Variants in GPD2 observed in about 807,000 individuals in gnomAD.
The protein encoded by GPD2 is glycerol-3-phosphate dehydrogenase, mitochondrial.
In GPD2, 54 loss-of-function variants were observed where a neutral mutation model predicts 82.4. The observed-to-expected ratio is 0.66, with a 90% CI of 0.53 to 0.82. GPD2 has a LOEUF of 0.82. Ranked by LOEUF, GPD2 falls within the 40% of genes least tolerant of loss-of-function variation. The pLI is 0.00. For synonymous variants in GPD2, 288 were observed against 306.1 expected (o/e 0.94, Z 0.62); for missense variants, 748 against 896.2 (o/e 0.83, Z 2.11).
chr2:156,470,182 ATCTTTTTCTTTT>A (rs894705229), intron 1 of GPD2, among the ~76,000 whole-genome samples: 12 of 151,852 alleles, frequency 7.9e-5, no homozygotes, highest in Non-Finnish European at 1.5e-4. Context: ...TTTGCATGGA[ATCTTTTTCTTTT>A]TCTTTTTCTT....
rs536541387 is a variant in GPD2 at position 156,519,444 on chromosome 2, A to G, written c.661+5948A>G. ...GAGGAGGTATTGGCATGATACATTA[A>G]AATTGTGTATTTAAAGAAAATTTTC... is the stretch of plus-strand genomic sequence containing the variant. On this transcript the variant is annotated intron_variant, in intron 6 of 16. Coordinates refer to ENST00000438166, the MANE Select transcript of GPD2 (RefSeq NM_000408.5). 4.6e-5 allele frequency among the ~76,000 whole-genome samples: 7 copies of G among 152,322 alleles called. No homozygotes were observed. The South Asian group carries it at 1.2e-3, about 27-fold the overall frequency.
At chr2:156,564,931 T>A (rs1191128544) in intron 9 of GPD2, among the ~76,000 whole-genome samples, 1 of 152,092 alleles carries the variant, frequency 6.6e-6, no homozygotes, top group Non-Finnish European at 1.5e-5. Context: ...CTTTTTTATT[T>A]TTGACTATCA....
At chr2:156,459,605 T>G (rs1682912641) in intron 1 of GPD2, among the ~76,000 whole-genome samples, 2 of 137,624 alleles carry the variant, frequency 1.5e-5, no homozygotes, top group South Asian at 4.5e-4. Context: ...GGAGAATCGC[T>G]TGAACCAGGG....
intron 6 of GPD2, among the ~76,000 whole-genome samples, chr2:156,534,769 A>G (rs1392262323): frequency 6.6e-6 from 1 of 152,068 alleles, no homozygotes; most frequent in African/African-American, 2.4e-5. Context: ...CTAATGTGAT[A>G]GGTAATGGAG....
At chr2:156,420,970 C>A in the GPD2 span, among the ~76,000 whole-genome samples, 1 of 152,212 alleles carries the variant, frequency 6.6e-6, no homozygotes, top group Non-Finnish European at 1.5e-5. Context: ...CTTGTTGAAT[C>A]TACTCACAGA....
intron 6 of GPD2, among the ~76,000 whole-genome samples, chr2:156,545,138 TCACACACACACAC>T (rs1686482269): frequency 6.6e-6 from 1 of 151,646 alleles, no homozygotes. Flanking sequence ...ACACACTCAT[TCACACACACACAC>T]CACACACACA....
intron 6 of GPD2, among the ~76,000 whole-genome samples, chr2:156,535,466 A>C (rs925568222): frequency 3.5e-5 from 5 of 143,512 alleles, no homozygotes; most frequent in Non-Finnish European, 7.7e-5. Context: ...GAGAGAAAGA[A>C]AGACCTGGGA....
the GPD2 span, among the ~76,000 whole-genome samples, chr2:156,425,084 A>ATTTTTTTTT: frequency 2.6e-5 from 1 of 37,988 alleles, no homozygotes; most frequent in Non-Finnish European, 9.6e-5. Flanking sequence ...ATTTATATTC[A>ATTTTTTTTT]TTTTATTTTT....
At chr2:156,574,948 C>A (rs1210318332) in intron 13 of GPD2, among the ~76,000 whole-genome samples, 1 of 152,146 alleles carries the variant, frequency 6.6e-6, no homozygotes, top group Non-Finnish European at 1.5e-5. Flanking sequence ...CTACCAATGT[C>A]TTTTTCCTTC....
intron 6 of GPD2, among the ~76,000 whole-genome samples, chr2:156,549,043 G>A (rs1030835999): frequency 2.0e-5 from 3 of 151,412 alleles, no homozygotes; most frequent in African/African-American, 4.9e-5. Flanking sequence ...TACCTTTTAT[G>A]TGTGATTAAA....
At chr2:156,412,592 A>C in the GPD2 span, among the ~76,000 whole-genome samples, 1 of 152,202 alleles carries the variant, frequency 6.6e-6, no homozygotes, top group East Asian at 1.9e-4. Flanking sequence ...TGTATCTTAT[A>C]GGGTTGCTGT....
chr2:156,548,848 G>A (rs927529833), intron 6 of GPD2, among the ~76,000 whole-genome samples: 3 of 152,082 alleles, frequency 2.0e-5, no homozygotes, highest in Non-Finnish European at 2.9e-5. Context: ...CCTGGTCAGC[G>A]TTAACTCCAC....
intron 1 of GPD2, among the ~76,000 whole-genome samples, chr2:156,461,728 T>G (rs1391727450): frequency 6.6e-6 from 1 of 152,234 alleles, no homozygotes; most frequent in Non-Finnish European, 1.5e-5. Context: ...TTTCTCCTAG[T>G]AATTCTCACT....
At position 156,585,660 on chromosome 2, in the gene GPD2, C is replaced by T. The variant is rs1229202626; in HGVS notation, c.*2742C>T. On this transcript the variant is annotated 3_prime_UTR_variant, in exon 17 of 17. Coordinates refer to ENST00000438166, the MANE Select transcript of GPD2 (RefSeq NM_000408.5). Reference sequence around the variant, plus strand: ...TGTCTGTTTCAAAATATGTAGCTTCCTCTTTTGTACAACAAAAAACTCATT... The same window carrying T: ...TGTCTGTTTCAAAATATGTAGCTTCTTCTTTTGTACAACAAAAAACTCATT... 4 of 152,372 alleles carry T rather than the reference C, an allele frequency of 2.6e-5. No homozygotes were observed. The East Asian group carries it at 5.8e-4, about 22-fold the overall frequency. 9.4% of individuals were successfully genotyped at this position (152,372 alleles called of 1,614,324 possible). A position where few individuals can be genotyped will look rare whatever the true frequency, so the allele number is the denominator to read the frequency against.
At chr2:156,471,117 C>T (rs954771067) in intron 1 of GPD2, among the ~76,000 whole-genome samples, 1 of 152,120 alleles carries the variant, frequency 6.6e-6, no homozygotes, top group Non-Finnish European at 1.5e-5. Context: ...TCCAGCTGCC[C>T]AAACTAAAAC....
intron 6 of GPD2, among the ~76,000 whole-genome samples, chr2:156,523,371 C>T (rs1685485152): frequency 6.6e-6 from 1 of 151,928 alleles, no homozygotes; most frequent in Admixed American, 6.6e-5. Flanking sequence ...TTTTTAAGTT[C>T]GTTATACACT....
At chr2:156,562,038 A>T (rs1243704985) in intron 9 of GPD2, among the ~76,000 whole-genome samples, 1 of 152,240 alleles carries the variant, frequency 6.6e-6, no homozygotes, top group African/African-American at 2.4e-5. Flanking sequence ...AGGAAGAAAA[A>T]TGATCTTTTG....
At chr2:156,500,736 TAGA>T (rs1684559294) in intron 3 of GPD2, among the ~76,000 whole-genome samples, 1 of 152,208 alleles carries the variant, frequency 6.6e-6, no homozygotes, top group Non-Finnish European at 1.5e-5. Flanking sequence ...ACAAAGACTA[TAGA>T]GGACAGACAA....
At chr2:156,571,050 C>G (rs1687593212) in intron 12 of GPD2, 84 bp from the exon 13 acceptor site, 1 of 917,280 alleles carries the variant, frequency 1.1e-6, no homozygotes, top group Non-Finnish European at 1.8e-6. Context: ...GTGAAGCACA[C>G]ATTTATTTTT....
Sources: gnomAD v4.1 joint callset for allele counts (sites outside exome capture counted in the v4.1 genomes callset) on GRCh38, gnomAD v4.1.1 for gene constraint, MANE v1.5 for transcripts, NCBI Gene and HGNC (gene_info 2026-07-23, HGNC 2026-07-21) for gene names.